Variants in DVL1 observed in about 807,000 individuals in gnomAD.
DVL1 encodes the protein segment polarity protein dishevelled homolog DVL-1.
A neutral mutation model predicts 65.0 loss-of-function variants in DVL1; 49 were observed. The ratio of observed to expected loss-of-function variants is 0.75; its 90% CI spans 0.60 to 0.96. DVL1 has a LOEUF of 0.96. DVL1 is among the 40% of genes least tolerant of loss of function. The pLI, the probability that DVL1 is intolerant of heterozygous loss-of-function variation, is 0.00. For synonymous variants in DVL1, 608 were observed against 433.9 expected (o/e 1.40, Z -4.99); for missense variants, 1,197 against 1,045.4 (o/e 1.15, Z -2.00).
chr1:1,337,353 C>T (rs1409361366), intron 14 of DVL1, among the ~76,000 whole-genome samples: 1 of 152,174 alleles, frequency 6.6e-6, no homozygotes, highest in Non-Finnish European at 1.5e-5. Context: ...GGCCTCTGCT[C>T]CACCAGGCAA....
In DVL1 at chr1:1,338,508, G is replaced by A. The variant is rs776926808; in HGVS notation, c.1339+14C>T. ...TGCCCCTGGCACTATCCGCCCGCGG[G>A]GACGGCCACTCACCGATGACGGCAT... On this transcript the variant is annotated intron_variant, in intron 12 of 14. Transcript: ENST00000378888. 1 of 1,611,998 alleles carries A rather than the reference G, an allele frequency of 6.2e-7. No individual in the cohort carries two copies. Among genetic ancestry groups the A allele is most frequent in the Non-Finnish European group, 8.5e-7 (1 of 1,179,462 alleles).
intron 14 of DVL1, 181 bp downstream of exon 14, chr1:1,337,796 G>C (rs1296892332): frequency 1.4e-6 from 1 of 715,468 alleles, no homozygotes. Flanking sequence ...CAGGGCCCAA[G>C]TACACAGCAG....
In DVL1 at chr1:1,338,414, C is replaced by G. The variant is rs1176790659; in HGVS notation, c.1362G>C (p.Leu454=). 2 of 1,612,076 alleles carry G rather than the reference C, an allele frequency of 1.2e-6. No homozygotes were observed. The highest frequency in any genetic ancestry group is 2.7e-5 in the African/African-American group (2 of 75,036). ...AVIGADVVDW[L]YTHVEGFKER... ...CCTTGAAGCCCTCCACGTGTGTGTA[C>G]AGCCAGTCCACCACGTCCGCCCCTG... Residue 454 remains leucine, a synonymous_variant, in exon 13 of 15, where the codon CTG becomes CTC. Transcript: ENST00000378888.
chr1:1,339,092 A>G (rs932138787), intron 11 of DVL1, among the ~76,000 whole-genome samples, 195 bp downstream of exon 11: 14 of 152,230 alleles, frequency 9.2e-5, no homozygotes, highest in Non-Finnish European at 1.5e-4. Flanking sequence ...TGTTCCCAAC[A>G]CACAGACCAT....
At chr1:1,346,203 G>A (rs912606149) in intron 1 of DVL1, among the ~76,000 whole-genome samples, 1 of 152,054 alleles carries the variant, frequency 6.6e-6, no homozygotes, top group African/African-American at 2.4e-5. Context: ...CACCACCCAG[G>A]ACACAAGGAG....
At chr1:1,336,910 C>T (rs1326152182) in intron 14 of DVL1, 2 of 831,924 alleles carry the variant, frequency 2.4e-6, no homozygotes, top group East Asian at 1.1e-4. Context: ...CCCTGGCCGA[C>T]GGATGACTCA....
rs1643570171 is a variant in DVL1 at position 1,336,311 on chromosome 1, C to T, written c.1919G>A (p.Gly640Glu). 1 of 1,567,312 alleles carries T rather than the reference C, an allele frequency of 6.4e-7. No individual in the cohort carries two copies. The highest frequency in any genetic ancestry group is 1.1e-5 in the South Asian group (1 of 87,626). ...GGTCGTGGGGTGGGGCGGGGGGAGCCCCGGGGCGGTAGCCGAGGCCTGACT... is the reference window on the plus strand; with the variant it reads ...GGTCGTGGGGTGGGGCGGGGGGAGCTCCGGGGCGGTAGCCGAGGCCTGACT... Reference protein sequence around the residue: ...PRSQASATAPGLPPPHPTTKA... With the variant: ...PRSQASATAPELPPPHPTTKA... The change falls in exon 15 of 15, where the codon GGG becomes GAG. Residue 640 changes from glycine to glutamate, a missense_variant. By Grantham distance (98) the Gly-to-Glu change is moderately conservative (BLOSUM62 -2). Coordinates refer to ENST00000378888, the MANE Select transcript of DVL1 (RefSeq NM_001330311.2).
intron 1 of DVL1, among the ~76,000 whole-genome samples, chr1:1,343,746 C>T (rs866291415): frequency 1.3e-5 from 2 of 152,202 alleles, no homozygotes; most frequent in African/African-American, 4.8e-5. Flanking sequence ...GGAGGGCCCA[C>T]AGGTCCCCAG....
Position 1,340,437 on chromosome 1 carries a change from C to T in DVL1, c.672G>A (p.Arg224=), listed in dbSNP as rs1263154172. Reference sequence around the variant, plus strand: ...GGTCCGCCTGCCGAAGGCGCTGCTTCCTCCGCCGGCGTTTGTGCTTCCGGA... The same window carrying T: ...GGTCCGCCTGCCGAAGGCGCTGCTTTCTCCGCCGGCGTTTGTGCTTCCGGA... The part of the protein sequence containing the change: ...RLIRKHKRRR[R]KQRLRQADRA... Residue 224 remains arginine (R), a synonymous_variant, in exon 6 of 15, where the codon AGG becomes AGA. Transcript: ENST00000378888. The T allele has an allele frequency of 8.1e-6, 13 of 1,612,252 alleles. No homozygotes were observed. Among genetic ancestry groups the T allele is most frequent in the African/African-American group, 8.0e-5 (6 of 74,932 alleles).
chr1:1,336,546 CTG>C (rs779492851), intron 14 of DVL1, 31 bp from the exon 15 acceptor site: 2 of 1,484,976 alleles, frequency 1.3e-6, no homozygotes, highest in Non-Finnish European at 8.9e-7. Flanking sequence ...GGGAAGGAGC[CTG>C]TCAGCACCAG....
intron 1 of DVL1, among the ~76,000 whole-genome samples, chr1:1,344,845 C>G (rs1044392680): frequency 1.3e-5 from 2 of 152,170 alleles, no homozygotes; most frequent in Non-Finnish European, 2.9e-5. Context: ...ATGGACCTGA[C>G]CACAGCAGAG....
At chr1:1,344,181 G>A (rs184059661) in intron 1 of DVL1, among the ~76,000 whole-genome samples, 6 of 152,246 alleles carry the variant, frequency 3.9e-5, no homozygotes, top group East Asian at 1.9e-4. Flanking sequence ...ACGCCGCCTC[G>A]TGGCACCCTG....
At chr1:1,344,502 G>A (rs1338283358) in intron 1 of DVL1, among the ~76,000 whole-genome samples, 9 of 152,168 alleles carry the variant, frequency 5.9e-5, no homozygotes, top group Non-Finnish European at 1.3e-4. Flanking sequence ...AGAGTGGACA[G>A]CAGGCAGGGC....
In DVL1 at chr1:1,349,409, G is replaced by C. The variant is rs1324763933; in HGVS notation, c.-344C>G. On this transcript the variant is annotated 5_prime_UTR_variant, in exon 1 of 15. Transcript: ENST00000378888. The surrounding 1 kb of genome is among the most constrained non-coding windows in gnomAD (Gnocchi z 4.1). Reference sequence around the variant, plus strand: ...GGGACCGCCCGGCCCGGGGTCCTGAGCGTGGCCGCGGGGGGGCGCCCGAGC... The same window carrying C: ...GGGACCGCCCGGCCCGGGGTCCTGACCGTGGCCGCGGGGGGGCGCCCGAGC... The C allele has an allele frequency of 6.8e-6, 1 of 146,020 alleles. No homozygotes were observed. The highest frequency in any genetic ancestry group is 2.5e-5 in the African/African-American group (1 of 40,782). 9.0% of individuals were successfully genotyped at this position (146,020 alleles called of 1,614,324 possible). A position where few individuals can be genotyped will look rare whatever the true frequency, so the allele number is the denominator to read the frequency against.
In DVL1 at chr1:1,342,151, T is replaced by C. The variant is rs1643856582; in HGVS notation, c.368A>G (p.Asn123Ser). Residue 123 changes from asparagine (N) to serine (S), a missense_variant, in exon 4 of 15, where the codon AAT (asparagine) becomes AGT (serine). Physicochemically the swap from Asn to Ser is conservative, Grantham distance 46 (BLOSUM62 1). Coordinates refer to ENST00000378888, the MANE Select transcript of DVL1 (RefSeq NM_001330311.2). ...CATCCCGTCACGGCTGCTGGCCACA[T>C]TTGGGCTGTGCAACAAGAGCAGGGT... Reference protein sequence around the residue: ...GDSRPPSFHPNVASSRDGMDN... With the variant: ...GDSRPPSFHPSVASSRDGMDN... 6.4e-7 allele frequency: 1 copy of C among 1,569,566 alleles called. No homozygotes were observed. The highest frequency in any genetic ancestry group is 8.6e-7 in the Non-Finnish European group (1 of 1,157,996).
chr1:1,344,416 G>A (rs982420118), intron 1 of DVL1, among the ~76,000 whole-genome samples: 5 of 152,158 alleles, frequency 3.3e-5, no homozygotes, highest in African/African-American at 1.2e-4. Flanking sequence ...GAGGCCCCCG[G>A]CAAAGTGGCA....
rs1385995750 is a variant in DVL1 at position 1,337,984 on chromosome 1, C to T, written c.1707G>A (p.Gln569=). ...SYGSGSTGSQ[Q]SEGSKSSGST... is the part of the protein sequence containing the mutation. ...TAGGGGCGGCGTTCTCACCTTCACT[C>T]TGCTGACTCCCGGTGCTGCCGCTGC... The change falls in exon 14 of 15, where the codon CAG becomes CAA. Residue 569 remains glutamine, a synonymous_variant. Transcript: ENST00000378888. 6.2e-7 allele frequency: 1 copy of T among 1,611,258 alleles called. No individual in the cohort carries two copies. Among genetic ancestry groups the T allele is most frequent in the Admixed American group, 1.7e-5 (1 of 59,928 alleles).
intron 9 of DVL1, 29 bp from the exon 10 acceptor site, chr1:1,339,678 C>G: frequency 1.9e-6 from 3 of 1,612,294 alleles, no homozygotes; most frequent in Non-Finnish European, 2.5e-6. Context: ...CACAGCAAGG[C>G]CCCCATGGTC....
chr1:1,348,250 G>A (rs1643949981), intron 1 of DVL1, among the ~76,000 whole-genome samples: 3 of 152,184 alleles, frequency 2.0e-5, no homozygotes, highest in African/African-American at 4.8e-5. Flanking sequence ...GCAGGGAGAC[G>A]CTGACCCAGG....
Sources: allele counts gnomAD v4.1 joint callset (sites outside exome capture counted in the v4.1 genomes callset), GRCh38; gene constraint gnomAD v4.1.1; non-coding constraint Gnocchi (gnomAD v3.1); transcripts MANE v1.5; gene names NCBI Gene and HGNC (gene_info 2026-07-23, HGNC 2026-07-21).